Variants in POLE observed in about 807,000 individuals in gnomAD.
POLE encodes DNA polymerase epsilon, catalytic subunit.
In POLE, 188 loss-of-function variants were observed where a neutral mutation model predicts 279.2. That is an observed-to-expected ratio of 0.67 (90% confidence interval 0.60 to 0.76). POLE has a LOEUF of 0.76. Among genes scored for constraint, POLE ranks in the 30% least tolerant of loss-of-function variants. POLE has a pLI of 0.00. For synonymous variants in POLE, 1,214 were observed against 1,172.5 expected (o/e 1.04, Z -0.72); for missense variants, 2,703 against 3,016.7 (o/e 0.90, Z 2.44).
Position 132,665,450 on chromosome 12 carries a change from C to A in POLE, c.2320G>T (p.Val774Leu). The A allele has an allele frequency of 6.2e-7, 1 of 1,608,554 alleles. No individual in the cohort carries two copies. The highest frequency in any genetic ancestry group is 8.5e-7 in the Non-Finnish European group (1 of 1,178,452). The change falls in exon 21 of 49, where the codon GTG becomes TTG. Residue 774 changes from valine to leucine, a missense_variant and splice_region_variant. Physicochemically the swap from Val to Leu is conservative, Grantham distance 32. This residue lies in a region of POLE where 1,011 missense variants were observed against 1,111.7 expected (regional missense o/e 0.91). Transcript: ENST00000320574. ...GCCGCCGAGAGCTTCTTTTTCCACA[C>A]CTGAGAAGCACATGAACATGGAGCA... ...RRYEFKGLHK[V>L]WKKKLSAAVE...
In POLE at chr12:132,664,015, T is replaced by C. The variant is rs1555226418; in HGVS notation, c.2695A>G (p.Ile899Val). 6.2e-7 allele frequency: 1 copy of C among 1,614,130 alleles called. No individual in the cohort carries two copies. Among genetic ancestry groups the C allele is most frequent in the Non-Finnish European group, 8.5e-7 (1 of 1,180,050 alleles). ...TISYPGAMLN[I>V]MVKEGFTNDQ... ...GGCCCCAGACTCACCTTGACCATGA[T>C]GTTCAACATGGCGCCTGGGTAGGAG... The change falls in exon 23 of 49, where the codon ATC becomes GTC. Residue 899 changes from isoleucine (I) to valine (V), a missense_variant. This residue lies in a region of POLE where 101 missense variants were observed against 115.4 expected (regional missense o/e 0.87). Transcript: ENST00000320574. The surrounding 1 kb of genome is among the most constrained non-coding windows in gnomAD (Gnocchi z 5.3).
Position 132,676,101 on chromosome 12 carries a change from G to A in POLE, c.1013C>T (p.Pro338Leu), listed in dbSNP as rs1593078223. 6.3e-7 allele frequency: 1 copy of A among 1,599,172 alleles called. No individual in the cohort carries two copies. Among genetic ancestry groups the A allele is most frequent in the Middle Eastern group, 1.7e-4 (1 of 6,016 alleles). The change falls in exon 10 of 49, where the codon CCC becomes CTC. Residue 338 changes from proline (P) to leucine (L), a missense_variant. Pro to Leu is a moderately conservative substitution (Grantham distance 98). This residue lies in a region of POLE where 1,011 missense variants were observed against 1,111.7 expected (regional missense o/e 0.91). Coordinates refer to ENST00000320574, the MANE Select transcript of POLE (RefSeq NM_006231.4). ...CAAGTGATACCTCCTTACCTCATCG[G>A]GTTCATTGAAGACACAAAAGGGGCC... ...YEGPFCVFNE[P>L]DEAHLIQRWF...
At chr12:132,679,865 C>T (rs755945557) in intron 5 of POLE, 89 bp downstream of exon 5, 77 of 1,075,618 alleles carry the variant, frequency 7.2e-5, no homozygotes, top group Non-Finnish European at 8.7e-5. Context: ...CAACAGATGA[C>T]CTGAATTTCT....
intron 1 of POLE, among the ~76,000 whole-genome samples, chr12:132,682,441 G>A (rs1394597047): frequency 6.6e-6 from 1 of 152,002 alleles, no homozygotes; most frequent in South Asian, 2.1e-4. Context: ...CCAAGATTGC[G>A]CCACTGCACT....
intron 1 of POLE, among the ~76,000 whole-genome samples, chr12:132,683,188 C>G (rs1442239142): frequency 6.6e-6 from 1 of 152,056 alleles, no homozygotes; most frequent in Non-Finnish European, 1.5e-5. Context: ...TCTTACAAGA[C>G]AAAAGGGTCT....
At chr12:132,646,346 T>C (rs933496887) in intron 32 of POLE, among the ~76,000 whole-genome samples, 1 of 152,098 alleles carries the variant, frequency 6.6e-6, no homozygotes, top group Non-Finnish European at 1.5e-5. Flanking sequence ...GACACAGGCA[T>C]AGTCATGTGT....
intron 45 of POLE, among the ~76,000 whole-genome samples, chr12:132,626,974 G>A (rs1403508095): frequency 2.0e-5 from 3 of 152,178 alleles, no homozygotes; most frequent in Non-Finnish European, 4.4e-5. Context: ...GCTCACGCTT[G>A]TTTTCTCAGT....
intron 23 of POLE, among the ~76,000 whole-genome samples, chr12:132,663,254 G>T (rs527304594): frequency 6.6e-6 from 1 of 152,314 alleles, no homozygotes; most frequent in South Asian, 2.1e-4. Flanking sequence ...CTGAAGAGCC[G>T]TATGGGAGGG....
chr12:132,679,883 C>G, intron 5 of POLE, 71 bp downstream of exon 5: 1 of 1,198,202 alleles, frequency 8.3e-7, no homozygotes, highest in Non-Finnish European at 1.2e-6. Flanking sequence ...TCTACCTCTT[C>G]CGATCCCACC....
rs374163231 is a variant in POLE at position 132,679,999 on chromosome 12, G to T, written c.378C>A (p.Gly126=). Reference sequence around the variant, plus strand: ...GGACAGTCTCCACTTTTGCAATTTTGCCCTGAAACTTCTTGGAGAGAAAAG... The same window carrying T: ...GGACAGTCTCCACTTTTGCAATTTTTCCCTGAAACTTCTTGGAGAGAAAAG... ...VSSFLSKKFQ[G]KIAKVETVPK... The change falls in exon 5 of 49, where the codon GGC becomes GGA. Residue 126 remains glycine, a synonymous_variant. Coordinates refer to ENST00000320574, the MANE Select transcript of POLE (RefSeq NM_006231.4). 22 of 1,614,048 alleles carry T rather than the reference G, an allele frequency of 1.4e-5. No homozygotes were observed. In the East Asian group the frequency reaches 2.2e-4, roughly 16 times the overall value.
At position 132,673,652 on chromosome 12, in the gene POLE, C is replaced by T. The variant is rs150032060; in HGVS notation, c.1282G>A (p.Ala428Thr). 9.0e-5 allele frequency: 145 copies of T among 1,613,822 alleles called. No homozygotes were observed. Among genetic ancestry groups the T allele is most frequent in the East Asian group, 1.6e-4 (7 of 44,902 alleles). ...PVGSHNLKAA[A>T]KAKLGYDPVE... Reference sequence around the variant, plus strand: ...GGATCATAGCCTAGCTTGGCCTTGGCGGCCGCCTTGAGATTATGACTGCCC... The same window carrying T: ...GGATCATAGCCTAGCTTGGCCTTGGTGGCCGCCTTGAGATTATGACTGCCC... Residue 428 changes from alanine (A) to threonine (T), a missense_variant, in exon 13 of 49, where the codon GCC becomes ACC. Around this residue, in one of 5 missense-constraint regions of POLE, gnomAD observed 1,011 missense variants for 1,111.7 expected, o/e 0.91. Coordinates refer to ENST00000320574, the MANE Select transcript of POLE (RefSeq NM_006231.4).
chr12:132,665,514 T>C (rs1356881281), intron 20 of POLE, 64 bp from the exon 21 acceptor site: 30 of 1,522,348 alleles, frequency 2.0e-5, no homozygotes, highest in East Asian at 6.8e-5. Context: ...ACAAAGTCAA[T>C]AGCCCAGGTT....
chr12:132,628,015 T>C, intron 45 of POLE, among the ~76,000 whole-genome samples: 1 of 152,264 alleles, frequency 6.6e-6, no homozygotes, highest in East Asian at 1.9e-4. Flanking sequence ...TTCTCAATCC[T>C]TTGTCATTTC....
At position 132,660,535 on chromosome 12, in the gene POLE, G is replaced by A. The variant is rs76794368; in HGVS notation, c.3060+434C>T. The A allele has an allele frequency of 4.9e-3, 756 of 153,468 alleles. 5 individuals are homozygous for A. The highest frequency in any genetic ancestry group is 0.018 in the African/African-American group (732 of 41,562). 9.5% of individuals were successfully genotyped at this position (153,468 alleles called of 1,614,324 possible). A position where few individuals can be genotyped will look rare whatever the true frequency, so the allele number is the denominator to read the frequency against. ...ACCTATCTGGTAGTAAATAATCGTGGGCTAGTTACGTAAATTAAGGTATGT... is the reference window on the plus strand; with the variant it reads ...ACCTATCTGGTAGTAAATAATCGTGAGCTAGTTACGTAAATTAAGGTATGT... On this transcript the variant is annotated intron_variant, in intron 25 of 48. Transcript: ENST00000320574.
Position 132,668,989 on chromosome 12 carries a change from T to G in POLE, c.1795-50A>C. On this transcript the variant is annotated intron_variant, in intron 16 of 48. Coordinates refer to ENST00000320574, the MANE Select transcript of POLE (RefSeq NM_006231.4). The surrounding 1 kb of genome is among the most constrained non-coding windows in gnomAD (Gnocchi z 4.0). ...GAGGCTGGTGACCAAGCTTGCCTCG[T>G]GTGCAGTTCACCAACCCCTTTTAGA... 1.3e-6 allele frequency: 2 copies of G among 1,584,672 alleles called. No homozygotes were observed. The highest frequency in any genetic ancestry group is 1.7e-6 in the Non-Finnish European group (2 of 1,159,882).
intron 16 of POLE, among the ~76,000 whole-genome samples, chr12:132,670,807 C>T (rs1337069657): frequency 6.6e-6 from 1 of 151,282 alleles, no homozygotes; most frequent in African/African-American, 2.4e-5. Context: ...CATTCTTTAA[C>T]TCCTATTTGT....
rs1024357311 is a variant in POLE at position 132,665,250 on chromosome 12, G to A, written c.2468+52C>T. Reference sequence around the variant, plus strand: ...GCCTACACCTGAAGCTGCCCTAAACGTGGACTCATCCATTCCTCCCATAAG... The same window carrying A: ...GCCTACACCTGAAGCTGCCCTAAACATGGACTCATCCATTCCTCCCATAAG... On this transcript the variant is annotated intron_variant, in intron 21 of 48. Transcript: ENST00000320574. 47 of 1,575,282 alleles carry A rather than the reference G, an allele frequency of 3.0e-5. No homozygotes were observed. In the Admixed American group the frequency reaches 6.3e-4, roughly 21 times the overall value.
chr12:132,680,960 T>G, intron 2 of POLE, 178 bp downstream of exon 2: 2 of 696,972 alleles, frequency 2.9e-6, no homozygotes, highest in South Asian at 2.0e-5. Context: ...CTTCTCACAG[T>G]GGCCTCTCTG....
At chr12:132,625,939 GGAC>G (rs2041829732) in intron 46 of POLE, 169 bp from the exon 47 acceptor site, 1 of 1,130,560 alleles carries the variant, frequency 8.8e-7, no homozygotes, top group Non-Finnish European at 1.2e-6. Context: ...GCCCTTCCTA[GGAC>G]AACATTCCGA....
Sources: allele counts gnomAD v4.1 joint callset (sites outside exome capture counted in the v4.1 genomes callset), GRCh38; gene constraint gnomAD v4.1.1; regional missense constraint gnomAD v4.1.1; non-coding constraint Gnocchi (gnomAD v3.1); transcripts MANE v1.5; gene names NCBI Gene and HGNC (gene_info 2026-07-23, HGNC 2026-07-21).